Variants in NECTIN3 observed in about 807,000 individuals in gnomAD.
The protein encoded by NECTIN3 is nectin cell adhesion molecule 3, also known as nectin-3.
NECTIN3 carries 8 observed loss-of-function variants against 49.4 expected under a neutral mutation model. That is an observed-to-expected ratio of 0.16 (90% CI 0.10 to 0.29). The LOEUF is 0.29. Among genes scored for constraint, NECTIN3 ranks in the 10% least tolerant of loss-of-function variants. The pLI is 1.00. For missense variants in NECTIN3, 581 were observed against 654.6 expected (o/e 0.89, Z 1.23); for synonymous variants, 277 against 241.1 (o/e 1.15, Z -1.38).
chr3:111,123,083 G>A (rs1464642573), intron 4 of NECTIN3, among the ~76,000 whole-genome samples: 1 of 151,186 alleles, frequency 6.6e-6, no homozygotes, highest in African/African-American at 2.4e-5. Context: ...CCTGTTTTCA[G>A]TTTTTAAGAG....
chr3:111,072,046 T>C lies in NECTIN3; in HGVS notation c.29T>C (p.Leu10Pro), dbSNP rs1264650947. MARTLRPSP[L>P]CPGGGKAQLS... ...GCGCGGACCCTGCGGCCGTCCCCGC[T>C]GTGTCCTGGAGGCGGCAAAGCACAA... Residue 10 changes from leucine to proline, a missense_variant, in exon 1 of 6, where the codon CTG (leucine) becomes CCG (proline). By Grantham distance (98) the Leu-to-Pro change is moderately conservative (BLOSUM62 -3). Coordinates refer to ENST00000485303, the MANE Select transcript of NECTIN3 (RefSeq NM_015480.3). The C allele has an allele frequency of 6.5e-7, 1 of 1,542,088 alleles. No individual in the cohort carries two copies. Among genetic ancestry groups the C allele is most frequent in the South Asian group, 1.2e-5 (1 of 82,920 alleles).
At chr3:111,079,117 T>A (rs550893424) in intron 1 of NECTIN3, among the ~76,000 whole-genome samples, 2 of 152,094 alleles carry the variant, frequency 1.3e-5, no homozygotes, top group Non-Finnish European at 2.9e-5. Flanking sequence ...AAAATATTAA[T>A]GAAATGCTAG....
intron 1 of NECTIN3, chr3:111,073,529 T>C (rs2030954380): frequency 6.6e-6 from 1 of 152,350 alleles, no homozygotes; most frequent in Admixed American, 6.5e-5. Flanking sequence ...TGTTTCTGTA[T>C]GCCGACTCCG....
At chr3:111,187,330 G>C (rs2035739199) in intron 7 of NECTIN3, among the ~76,000 whole-genome samples, 1 of 152,160 alleles carries the variant, frequency 6.6e-6, no homozygotes, top group Admixed American at 6.5e-5. Flanking sequence ...TTGAACTCAG[G>C]CGTTTGAGAC....
At chr3:111,111,300 A>AT (rs960161513) in intron 1 of NECTIN3, among the ~76,000 whole-genome samples, 2 of 152,160 alleles carry the variant, frequency 1.3e-5, no homozygotes, top group African/African-American at 4.8e-5. Flanking sequence ...GTTTGATGTC[A>AT]TTTTAACTTT....
chr3:111,137,849 A>C (rs1336993903), downstream of NECTIN3, among the ~76,000 whole-genome samples: 1 of 144,926 alleles, frequency 6.9e-6, no homozygotes, highest in African/African-American at 2.6e-5. Context: ...GGTTTGTTAC[A>C]CAGGTAATGT....
intron 1 of NECTIN3, among the ~76,000 whole-genome samples, chr3:111,094,903 TCC>T: frequency 6.6e-6 from 1 of 152,174 alleles, no homozygotes; most frequent in East Asian, 1.9e-4. Flanking sequence ...GTAGAACCCC[TCC>T]CCAAATCTAA....
chr3:111,164,343 A>T (rs2035276222), intron 7 of NECTIN3, among the ~76,000 whole-genome samples: 1 of 152,166 alleles, frequency 6.6e-6, no homozygotes, highest in South Asian at 2.1e-4. Flanking sequence ...GAATCTTTCA[A>T]CTTTATTTCT....
intron 7 of NECTIN3, among the ~76,000 whole-genome samples, chr3:111,149,581 A>T (rs2034957206): frequency 6.7e-6 from 1 of 149,950 alleles, no homozygotes; most frequent in Non-Finnish European, 1.5e-5. Context: ...AGTCACTGGG[A>T]TTTCTCTCCA....
At chr3:111,149,218 A>G (rs1355365066) in intron 7 of NECTIN3, among the ~76,000 whole-genome samples, 2 of 152,124 alleles carry the variant, frequency 1.3e-5, no homozygotes. Flanking sequence ...CTAAACCAAG[A>G]TACTGCTGTT....
intron 1 of NECTIN3, among the ~76,000 whole-genome samples, chr3:111,098,601 C>T (rs1002533801): frequency 1.3e-5 from 2 of 152,188 alleles, no homozygotes; most frequent in African/African-American, 2.4e-5. Context: ...CCTGGATAAT[C>T]CAGTGTCATC....
upstream of NECTIN3, among the ~76,000 whole-genome samples, chr3:111,190,606 T>A (rs1461438635): frequency 2.6e-5 from 4 of 152,286 alleles, no homozygotes; most frequent in Middle Eastern, 6.8e-3. Context: ...TATAACTTCA[T>A]AAGAAGGAAG....
At chr3:111,085,644 T>C (rs1176566679) in intron 1 of NECTIN3, among the ~76,000 whole-genome samples, 1 of 152,212 alleles carries the variant, frequency 6.6e-6, no homozygotes, top group Non-Finnish European at 1.5e-5. Flanking sequence ...TTTTGAACTT[T>C]GTAATACTTC....
intron 1 of NECTIN3, among the ~76,000 whole-genome samples, chr3:111,083,977 A>G (rs1375744777): frequency 1.3e-5 from 2 of 152,178 alleles, no homozygotes; most frequent in Non-Finnish European, 2.9e-5. Context: ...AACTTTTTTT[A>G]AAAAATTTAA....
intron 3 of NECTIN3, among the ~76,000 whole-genome samples, chr3:111,120,982 A>AACAGTGT (rs973505618): frequency 2.6e-5 from 4 of 151,418 alleles, no homozygotes; most frequent in African/African-American, 7.3e-5. Context: ...AAACACCTAA[A>AACAGTGT]ACAGTGTATT....
rs112947301 is a variant in NECTIN3, at chr3:111,172,924, T to G, written c.1222-19427T>G. On this transcript the variant is annotated intron_variant, in intron 7 of 8. Coordinates refer to the NECTIN3 transcript ENST00000493615. Reference sequence around the variant, plus strand: ...GCAAATCATTCCAAGCTGCTTTGGATAAAAAGTGATAGAAGATTTTTTACA... The same window carrying G: ...GCAAATCATTCCAAGCTGCTTTGGAGAAAAAGTGATAGAAGATTTTTTACA... Among the ~76,000 whole-genome samples, 1,036 of 152,318 alleles carry G rather than the reference T, an allele frequency of 6.8e-3. 11 individuals carry two copies. Among genetic ancestry groups the G allele is most frequent in the African/African-American group, 0.023 (972 of 41,572 alleles).
At chr3:111,077,254 T>A (rs1254741778) in intron 1 of NECTIN3, 3 of 431,300 alleles carry the variant, frequency 7.0e-6, no homozygotes, top group Non-Finnish European at 1.4e-5. Flanking sequence ...CTAAATAAGT[T>A]GAGTAGGGAA....
intron 1 of NECTIN3, among the ~76,000 whole-genome samples, chr3:111,096,698 A>G (rs941594369): frequency 1.3e-5 from 2 of 152,198 alleles, no homozygotes. Context: ...GCCAAGGTAC[A>G]GCTCGGGCTG....
chr3:111,145,729 A>G (rs902445352), intron 6 of NECTIN3, among the ~76,000 whole-genome samples: 5 of 152,220 alleles, frequency 3.3e-5, no homozygotes, highest in African/African-American at 1.2e-4. Flanking sequence ...GAATAAGATA[A>G]TATTTTATAA....
Sources: gnomAD v4.1 joint callset for allele counts (sites outside exome capture counted in the v4.1 genomes callset) on GRCh38, gnomAD v4.1.1 for gene constraint, MANE v1.5 for transcripts, NCBI Gene and HGNC (gene_info 2026-07-23, HGNC 2026-07-21) for gene names.